The following TF variants were observed in gnomAD, a reference collection of about 807,000 sequenced individuals.
TF encodes serotransferrin.
In TF, 55 loss-of-function variants were observed where a neutral mutation model predicts 82.4. The ratio of observed to expected loss-of-function variants is 0.67; its 90% CI spans 0.54 to 0.84. The LOEUF is 0.84. TF is among the 40% of genes least tolerant of loss of function. The pLI is 0.00. For synonymous variants in TF, 332 were observed against 332.6 expected, an observed-to-expected ratio of 1.00 and a Z score of 0.02; for missense variants, 737 against 868.4, an observed-to-expected ratio of 0.85 and a Z score of 1.90.
the TF span, among the ~76,000 whole-genome samples, chr3:133,695,238 G>C: frequency 6.9e-6 from 1 of 145,070 alleles, no homozygotes; most frequent in Non-Finnish European, 1.5e-5. Context: ...AGCCAGAGGA[G>C]CTGGTTCTTT....
At chr3:133,706,584 A>G in the TF span, among the ~76,000 whole-genome samples, 2 of 152,064 alleles carry the variant, frequency 1.3e-5, no homozygotes, top group African/African-American at 2.4e-5. Flanking sequence ...CTAGCAATCT[A>G]TGTTTTAACA....
intron 14 of TF, chr3:133,774,836 GAGCTGAAACCCTAAGA>G: frequency 4.1e-6 from 1 of 243,624 alleles, no homozygotes; most frequent in South Asian, 4.8e-5. Flanking sequence ...CAGGAGGAAG[GAGCTGAAACCCTAAGA>G]ATGGGTGAGT....
chr3:133,776,202 T>C (rs976238657), intron 15 of TF, among the ~76,000 whole-genome samples: 4 of 152,214 alleles, frequency 2.6e-5, no homozygotes, highest in Admixed American at 2.0e-4. Context: ...ATACGAGTCA[T>C]GAAGAGTGGA....
the TF span, among the ~76,000 whole-genome samples, chr3:133,719,459 G>A: frequency 6.6e-6 from 1 of 152,130 alleles, no homozygotes; most frequent in Non-Finnish European, 1.5e-5. Context: ...GAAGTGTTGG[G>A]CATGTGGGGA....
the TF span, among the ~76,000 whole-genome samples, chr3:133,738,281 C>T: frequency 1.3e-5 from 2 of 152,072 alleles, no homozygotes; most frequent in Non-Finnish European, 2.9e-5. Context: ...GCTAAAAACT[C>T]GCAATAAACT....
the TF span, among the ~76,000 whole-genome samples, chr3:133,739,902 A>C: frequency 2.0e-5 from 3 of 152,254 alleles, no homozygotes; most frequent in Non-Finnish European, 2.9e-5. Context: ...AAATTAGTTC[A>C]ACCTTTGTGG....
intron 14 of TF, among the ~76,000 whole-genome samples, chr3:133,772,197 C>G (rs1380819253): frequency 2.6e-5 from 4 of 152,202 alleles, no homozygotes; most frequent in African/African-American, 9.7e-5. Context: ...ACAGCAGTTG[C>G]TAAGAATTTG....
chr3:133,663,297 A>G, the TF span, among the ~76,000 whole-genome samples: 2 of 150,648 alleles, frequency 1.3e-5, no homozygotes, highest in Non-Finnish European at 2.9e-5. Context: ...TGCTATACCT[A>G]TCCTGATGGT....
At position 133,756,277 on chromosome 3, in the gene TF, C is replaced by T. The variant is rs762753031; in HGVS notation, c.636-5C>T. On this transcript the variant is annotated splice_polypyrimidine_tract_variant and splice_region_variant and intron_variant, in intron 5 of 16. Transcript: ENST00000402696. Reference sequence around the variant, plus strand: ...GAGCCCTGCTGATGTGTTTCTTTGACCCAGGTGTCTGAAGGATGGTGCTGG... The same window carrying T: ...GAGCCCTGCTGATGTGTTTCTTTGATCCAGGTGTCTGAAGGATGGTGCTGG... The T allele has an allele frequency of 4.3e-6, 7 of 1,613,822 alleles. No individual in the cohort carries two copies. The highest frequency in any genetic ancestry group is 1.6e-4 in the Middle Eastern group (1 of 6,074).
the TF span, among the ~76,000 whole-genome samples, chr3:133,706,765 C>T: frequency 2.0e-5 from 3 of 152,192 alleles, no homozygotes; most frequent in Non-Finnish European, 4.4e-5. Context: ...CTGCTGAGCA[C>T]TGGGTCATAG....
the TF span, chr3:133,662,055 G>C: frequency 6.6e-6 from 1 of 152,322 alleles, no homozygotes; most frequent in Non-Finnish European, 1.5e-5. Context: ...GTGGGCGGTG[G>C]GGCTTCAGGG....
At chr3:133,674,359 A>C in the TF span, among the ~76,000 whole-genome samples, 1 of 152,108 alleles carries the variant, frequency 6.6e-6, no homozygotes, top group African/African-American at 2.4e-5. Flanking sequence ...CCCTTCCCCG[A>C]AGTGCAGCCT....
rs1381890088 is a variant in TF at position 133,778,609 on chromosome 3, C to T, written c.2086C>T (p.Arg696Cys). 4.3e-6 allele frequency: 7 copies of T among 1,613,386 alleles called. No homozygotes were observed. Among genetic ancestry groups the T allele is most frequent in the East Asian group, 4.5e-5 (2 of 44,828 alleles). ...AGCACTCCTGGAAGCCTGCACTTTC[C>T]GTAGACCTTAAAATCTCAGAGGTAG... The part of the protein sequence containing the change: ...TSSLLEACTF[R>C]RP The change falls in exon 17 of 17, where the codon CGT (arginine) becomes TGT (cysteine). Residue 696 changes from arginine to cysteine, a missense_variant. Transcript: ENST00000402696.
chr3:133,750,221 T>A (rs570993989), intron 2 of TF, among the ~76,000 whole-genome samples: 4 of 152,140 alleles, frequency 2.6e-5, no homozygotes, highest in African/African-American at 9.6e-5. Flanking sequence ...CAGCACTGAG[T>A]TTTCTCAGGC....
In TF at chr3:133,790,277, T is replaced by A. The variant is rs1169126518; in HGVS notation, c.*11657T>A. 1 of 152,222 alleles carries A rather than the reference T, an allele frequency of 6.6e-6. No individual in the cohort carries two copies. Among genetic ancestry groups the A allele is most frequent in the Non-Finnish European group, 1.5e-5 (1 of 68,040 alleles). 9.4% of individuals were successfully genotyped at this position (152,222 alleles called of 1,614,324 possible). A position where few individuals can be genotyped will look rare whatever the true frequency, so the allele number is the denominator to read the frequency against. On this transcript the variant is annotated 3_prime_UTR_variant, in exon 17 of 17. Coordinates refer to ENST00000402696, the MANE Select transcript of TF (RefSeq NM_001063.4). ...TGTGGAATTGTTCTTAACTATAAAT[T>A]CCCATATCTGATAGTTCAGGATTTC...
At chr3:133,768,415 C>A (rs1934181315) in intron 13 of TF, among the ~76,000 whole-genome samples, 1 of 152,184 alleles carries the variant, frequency 6.6e-6, no homozygotes, top group Non-Finnish European at 1.5e-5. Flanking sequence ...GGTGATTTGA[C>A]CCCCACGGGA....
intron 12 of TF, among the ~76,000 whole-genome samples, chr3:133,767,790 A>T (rs926816363): frequency 6.6e-6 from 1 of 152,168 alleles, no homozygotes; most frequent in African/African-American, 2.4e-5. Flanking sequence ...TGACATCATT[A>T]TTGTGCTCAA....
At chr3:133,674,347 C>T in the TF span, among the ~76,000 whole-genome samples, 1 of 152,214 alleles carries the variant, frequency 6.6e-6, no homozygotes, top group Non-Finnish European at 1.5e-5. Context: ...CGGGGTGCTG[C>T]CCCCTTCCCC....
the TF span, chr3:133,701,167 G>T: frequency 1.3e-5 from 2 of 152,408 alleles, no homozygotes; most frequent in African/African-American, 4.8e-5. Flanking sequence ...TTGGCCTGCA[G>T]AGCCCAAGGG....
Sources: allele counts gnomAD v4.1 joint callset (sites outside exome capture counted in the v4.1 genomes callset), GRCh38; gene constraint gnomAD v4.1.1; transcripts MANE v1.5; gene names NCBI Gene and HGNC (gene_info 2026-07-23, HGNC 2026-07-21).